Variants in SEPTIN7 observed in about 807,000 individuals in gnomAD.
SEPTIN7 encodes the protein septin-7.
In SEPTIN7, 10 loss-of-function variants were observed where a neutral mutation model predicts 63.3. That is an observed-to-expected ratio of 0.16 (90% CI 0.10 to 0.27). The LOEUF (loss-of-function observed/expected upper bound fraction) is 0.27. Ranked by LOEUF, SEPTIN7 falls within the 10% of genes least tolerant of loss-of-function variation. SEPTIN7 has a pLI of 1.00. For missense variants in SEPTIN7, 310 were observed against 521.0 expected (o/e 0.59, Z 3.94); for synonymous variants, 131 against 165.3 (o/e 0.79, Z 1.59).
At chr7:35,903,659 C>G (rs543149102) in intron 13 of SEPTIN7, among the ~76,000 whole-genome samples, 2 of 152,228 alleles carry the variant, frequency 1.3e-5, no homozygotes, top group African/African-American at 4.8e-5. Context: ...TATTTGATTT[C>G]CAATACAACT....
rs1329100767 is a variant in SEPTIN7, at chr7:35,906,393, T to C, written c.*2100T>C. 1.3e-5 allele frequency: 2 copies of C among 152,194 alleles called. No homozygotes were observed. Among genetic ancestry groups the C allele is most frequent in the Non-Finnish European group, 2.9e-5 (2 of 68,018 alleles). 9.4% of individuals were successfully genotyped at this position (152,194 alleles called of 1,614,324 possible). A position where few individuals can be genotyped will look rare whatever the true frequency, so the allele number is the denominator to read the frequency against. ...GTATATCAGAAGGTTCTTTTTGCCA[T>C]TTGGCCTGTGGATGTCTGAGAAGAT... On this transcript the variant is annotated 3_prime_UTR_variant, in exon 14 of 14. Coordinates refer to ENST00000350320, the MANE Select transcript of SEPTIN7 (RefSeq NM_001788.6).
intron 3 of SEPTIN7, among the ~76,000 whole-genome samples, chr7:35,834,212 A>G (rs368090870): frequency 6.6e-6 from 1 of 151,946 alleles, no homozygotes. Context: ...GACAAATACA[A>G]TTTTTTCACT....
At chr7:35,909,124 A>T (rs1300165461), downstream of SEPTIN7, among the ~76,000 whole-genome samples, 1 of 151,486 alleles carries the variant, frequency 6.6e-6, no homozygotes, top group Non-Finnish European at 1.5e-5. Context: ...GAGCTGTCCA[A>T]TTTTTTTTTC....
At chr7:35,875,775 A>G (rs1181463318) in intron 6 of SEPTIN7, among the ~76,000 whole-genome samples, 1 of 151,858 alleles carries the variant, frequency 6.6e-6, no homozygotes, top group Non-Finnish European at 1.5e-5. Context: ...TCTCTTATAC[A>G]TACATACATA....
At chr7:35,828,670 C>T (rs188178334) in intron 1 of SEPTIN7, among the ~76,000 whole-genome samples, 18 of 152,314 alleles carry the variant, frequency 1.2e-4, no homozygotes, top group African/African-American at 4.3e-4. Context: ...AGCCACCGTG[C>T]CCTGCCGACC....
rs142212427 is a variant in SEPTIN7, at chr7:35,864,863, G to A, written c.276+1205G>A. Among the ~76,000 whole-genome samples, 424 of 152,216 alleles carry A rather than the reference G, an allele frequency of 2.8e-3. 5 individuals are homozygous for A. The highest frequency in any genetic ancestry group is 0.02 in the Middle Eastern group (6 of 294). On this transcript the variant is annotated intron_variant, in intron 4 of 13. Coordinates refer to ENST00000350320, the MANE Select transcript of SEPTIN7 (RefSeq NM_001788.6). Reference sequence around the variant, plus strand: ...GCTTTTAGCTGGATTTGAAGAAGTGGTAGTGATCATCCCAGTGCACAGGAT... The same window carrying A: ...GCTTTTAGCTGGATTTGAAGAAGTGATAGTGATCATCCCAGTGCACAGGAT...
At chr7:35,897,699 CA>C (rs1388001378) in intron 11 of SEPTIN7, among the ~76,000 whole-genome samples, 1 of 152,024 alleles carries the variant, frequency 6.6e-6, no homozygotes. Context: ...TTGAAGTTAT[CA>C]TAAGGGGCCT....
chr7:35,807,521 C>T (rs1163511834), intron 1 of SEPTIN7, among the ~76,000 whole-genome samples: 5 of 152,002 alleles, frequency 3.3e-5, no homozygotes, highest in African/African-American at 1.2e-4. Context: ...CCCGCCACCG[C>T]GCCCGGCTAA....
intron 1 of SEPTIN7, among the ~76,000 whole-genome samples, chr7:35,814,453 T>A (rs927468338): frequency 1.4e-4 from 22 of 152,010 alleles, no homozygotes; most frequent in African/African-American, 4.4e-4. Flanking sequence ...GGTCCATTTT[T>A]AAATTAGGTT....
chr7:35,833,451 C>T (rs1367805387), intron 3 of SEPTIN7, among the ~76,000 whole-genome samples: 1 of 151,936 alleles, frequency 6.6e-6, no homozygotes, highest in African/African-American at 2.4e-5. Flanking sequence ...CATTACCCTG[C>T]CTATAGTCCA....
intron 3 of SEPTIN7, chr7:35,848,008 A>G (rs1482696310): frequency 6.6e-6 from 1 of 152,176 alleles, no homozygotes; most frequent in Admixed American, 6.5e-5. Flanking sequence ...TATCCAGGTA[A>G]AATAATATCT....
At chr7:35,889,911 A>G (rs544398217) in intron 10 of SEPTIN7, among the ~76,000 whole-genome samples, 3 of 152,312 alleles carry the variant, frequency 2.0e-5, no homozygotes, top group African/African-American at 7.2e-5. Flanking sequence ...GAATGATGGC[A>G]GATATAGGAA....
chr7:35,909,593 A>G (rs1388377851), downstream of SEPTIN7, among the ~76,000 whole-genome samples: 1 of 152,238 alleles, frequency 6.6e-6, no homozygotes, highest in African/African-American at 2.4e-5. Flanking sequence ...CTCACTTTGA[A>G]GTCTAAGGGA....
chr7:35,882,827 C>T (rs1786977287), intron 8 of SEPTIN7, among the ~76,000 whole-genome samples: 1 of 151,986 alleles, frequency 6.6e-6, no homozygotes, highest in Non-Finnish European at 1.5e-5. Flanking sequence ...AACTGGCTTT[C>T]ATATTATGTA....
rs1304488437 is a variant in SEPTIN7 at position 35,906,266 on chromosome 7, A to G, written c.*1973A>G. ...TTCTACCATCCTAATGAAAACTTTC[A>G]GAAGTCTTTCTTTATCCATGGCATG... On this transcript the variant is annotated 3_prime_UTR_variant, in exon 14 of 14. Coordinates refer to ENST00000350320, the MANE Select transcript of SEPTIN7 (RefSeq NM_001788.6). 6.6e-6 allele frequency: 1 copy of G among 152,246 alleles called. No individual in the cohort carries two copies. The highest frequency in any genetic ancestry group is 2.4e-5 in the African/African-American group (1 of 41,468). 9.4% of individuals were successfully genotyped at this position (152,246 alleles called of 1,614,324 possible).
intron 3 of SEPTIN7, among the ~76,000 whole-genome samples, chr7:35,855,128 G>T (rs922530370): frequency 1.3e-4 from 20 of 151,878 alleles, no homozygotes; most frequent in African/African-American, 4.4e-4. Flanking sequence ...GCATTCCTAC[G>T]TCAATTTTTT....
intron 1 of SEPTIN7, 25 bp downstream of exon 1, chr7:35,801,295 G>A (rs781334679): frequency 8.6e-6 from 13 of 1,517,200 alleles, no homozygotes; most frequent in Non-Finnish European, 1.1e-5. Context: ...CGGGTGCCGC[G>A]ACTTGGGGTC....
intron 12 of SEPTIN7, chr7:35,901,219 A>T (rs1358299367): frequency 6.6e-6 from 1 of 152,184 alleles, no homozygotes; most frequent in East Asian, 1.9e-4. Flanking sequence ...ATTATTGCCC[A>T]TCTCTCCTTT....
intron 3 of SEPTIN7, among the ~76,000 whole-genome samples, chr7:35,857,567 C>G (rs1037805198): frequency 5.3e-5 from 8 of 152,022 alleles, no homozygotes; most frequent in African/African-American, 1.7e-4. Context: ...GTTAAGTAGT[C>G]TAGGAATTGA....
Sources: gnomAD v4.1 joint callset for allele counts (sites outside exome capture counted in the v4.1 genomes callset) on GRCh38, gnomAD v4.1.1 for gene constraint, MANE v1.5 for transcripts, NCBI Gene and HGNC (gene_info 2026-07-23, HGNC 2026-07-21) for gene names.